HERC4: variants seen among roughly 807,000 people sequenced by gnomAD.
HERC4 encodes the protein probable E3 ubiquitin-protein ligase HERC4.
Under a neutral mutation model 124.3 loss-of-function variants are expected in HERC4, and 28 were observed. The ratio of observed to expected loss-of-function variants is 0.23; its 90% CI spans 0.17 to 0.31. HERC4 has a LOEUF of 0.31. HERC4 is among the 10% of genes least tolerant of loss of function. The pLI, the probability that HERC4 is intolerant of heterozygous loss-of-function variation, is 1.00. For synonymous variants in HERC4, 407 were observed against 421.5 expected (o/e 0.97, Z 0.42); for missense variants, 713 against 1,229.3 (o/e 0.58, Z 6.28).
chr10:67,978,587 C>T (rs897225905), intron 15 of HERC4, among the ~76,000 whole-genome samples: 4 of 152,226 alleles, frequency 2.6e-5, no homozygotes, highest in African/African-American at 9.6e-5. Flanking sequence ...GGCTTTGCCA[C>T]CTGGTGATTG....
At chr10:68,037,375 C>T (rs895066697) in intron 5 of HERC4, among the ~76,000 whole-genome samples, 12 of 152,142 alleles carry the variant, frequency 7.9e-5, no homozygotes, top group African/African-American at 2.6e-4. Context: ...GGATTACAGG[C>T]GTGAGCCACT....
intron 4 of HERC4, among the ~76,000 whole-genome samples, chr10:68,043,205 C>A (rs1189458847): frequency 6.6e-6 from 1 of 152,088 alleles, no homozygotes; most frequent in East Asian, 1.9e-4. Flanking sequence ...AATCATCAGA[C>A]TGGTAGAGTA....
intron 3 of HERC4, among the ~76,000 whole-genome samples, chr10:68,051,691 C>CTTT (rs779623868): frequency 9.1e-6 from 1 of 109,614 alleles, no homozygotes; most frequent in Non-Finnish European, 2.0e-5. Context: ...CTTTTCTTTT[C>CTTT]TTTTTTTTTT....
chr10:68,052,620 T>A (rs1458014349), intron 3 of HERC4, among the ~76,000 whole-genome samples: 2 of 152,192 alleles, frequency 1.3e-5, no homozygotes, highest in African/African-American at 2.4e-5. Flanking sequence ...TACTTCCTGT[T>A]GAATGAGTAA....
At chr10:67,988,139 G>A (rs923301751) in intron 15 of HERC4, 1 of 152,100 alleles carries the variant, frequency 6.6e-6, no homozygotes, top group African/African-American at 2.4e-5. Flanking sequence ...GGTACTATTT[G>A]TTACACTGGG....
intron 3 of HERC4, among the ~76,000 whole-genome samples, chr10:68,059,658 ATAT>A (rs1453465516): frequency 2.6e-5 from 1 of 38,960 alleles, no homozygotes; most frequent in Non-Finnish European, 3.3e-5. Context: ...ATTATATATC[ATAT>A]TATATATTAT....
intron 9 of HERC4, among the ~76,000 whole-genome samples, chr10:68,006,635 C>T (rs2037583404): frequency 6.6e-6 from 1 of 152,140 alleles, no homozygotes. Context: ...GCCTCAGCCT[C>T]CCAAAGTGGT....
chr10:68,069,067 T>C (rs1046281570), intron 3 of HERC4: 1 of 984,312 alleles, frequency 1.0e-6, no homozygotes, highest in Non-Finnish European at 1.2e-6. Flanking sequence ...GTACTGTTTC[T>C]AACATGAAAC....
At chr10:68,050,236 T>C (rs1393234767) in intron 3 of HERC4, among the ~76,000 whole-genome samples, 2 of 152,120 alleles carry the variant, frequency 1.3e-5, no homozygotes, top group Admixed American at 1.3e-4. Context: ...TTAGAAGGGA[T>C]ATAGGCAGAG....
intron 3 of HERC4, chr10:68,067,911 G>A (rs1415485144): frequency 6.6e-6 from 1 of 151,884 alleles, no homozygotes; most frequent in Non-Finnish European, 1.5e-5. Context: ...AGCTTTTGTT[G>A]GTACAATATT....
chr10:67,932,916 C>CA (rs1299398719), intron 22 of HERC4, 136 bp from the exon 23 acceptor site: 1 of 706,298 alleles, frequency 1.4e-6, no homozygotes, highest in Non-Finnish European at 2.2e-6. Flanking sequence ...GAGTAGCGTT[C>CA]AAACAGGACA....
At chr10:68,034,294 C>T (rs2039349479) in intron 5 of HERC4, 108 bp from the exon 6 acceptor site, 1 of 771,828 alleles carries the variant, frequency 1.3e-6, no homozygotes, top group Non-Finnish European at 2.1e-6. Flanking sequence ...TATTTTGGGA[C>T]ATTCTGCCTA....
intron 4 of HERC4, among the ~76,000 whole-genome samples, chr10:68,043,872 T>C (rs773677202): frequency 6.6e-6 from 1 of 152,150 alleles, no homozygotes; most frequent in Non-Finnish European, 1.5e-5. Context: ...GACTAAAACA[T>C]TGATGAGGCA....
intron 19 of HERC4, among the ~76,000 whole-genome samples, chr10:67,948,582 A>T (rs2033562240): frequency 6.6e-6 from 1 of 152,190 alleles, no homozygotes; most frequent in Non-Finnish European, 1.5e-5. Flanking sequence ...GTGGGAAGGT[A>T]AACTAGTACA....
intron 8 of HERC4, among the ~76,000 whole-genome samples, chr10:68,014,390 G>C (rs1280100848): frequency 6.6e-6 from 1 of 152,082 alleles, no homozygotes; most frequent in Non-Finnish European, 1.5e-5. Context: ...CAGGCTGCAC[G>C]AGCATGGTCC....
At chr10:68,053,280 ATCT>A (rs1412394389) in intron 3 of HERC4, among the ~76,000 whole-genome samples, 1 of 151,698 alleles carries the variant, frequency 6.6e-6, no homozygotes, top group Non-Finnish European at 1.5e-5. Context: ...GTTTTAAAAC[ATCT>A]TATTTAATAT....
At chr10:68,036,363 C>T (rs2039468469) in intron 5 of HERC4, among the ~76,000 whole-genome samples, 1 of 150,278 alleles carries the variant, frequency 6.7e-6, no homozygotes, top group Admixed American at 6.6e-5. Flanking sequence ...ATATTGCCTA[C>T]ACCACAAAGC....
At chr10:67,932,459 T>C in intron 23 of HERC4, 138 bp downstream of exon 23, 1 of 668,404 alleles carries the variant, frequency 1.5e-6, no homozygotes, top group South Asian at 2.0e-5. Context: ...CCATTCATTG[T>C]GGAGTTTGAA....
chr10:67,929,574 G>A (rs190643519), intron 23 of HERC4, among the ~76,000 whole-genome samples: 1 of 152,118 alleles, frequency 6.6e-6, no homozygotes, highest in Admixed American at 6.5e-5. Context: ...CTATGACAGA[G>A]TGCAGTCAGG....
Sources: allele counts gnomAD v4.1 joint callset (sites outside exome capture counted in the v4.1 genomes callset), GRCh38; gene constraint gnomAD v4.1.1; transcripts MANE v1.5; gene names NCBI Gene and HGNC (gene_info 2026-07-23, HGNC 2026-07-21).